The following HAPLN4 variants were observed in gnomAD, a reference collection of about 807,000 sequenced individuals.
The protein encoded by HAPLN4 is brain link protein 2.
Under a neutral mutation model 28.0 loss-of-function variants are expected in HAPLN4, and 19 were observed. That is an observed-to-expected ratio of 0.68 (90% confidence interval 0.47 to 1.00). The LOEUF (loss-of-function observed/expected upper bound fraction) is 1.00. HAPLN4 is among the 50% of genes least tolerant of loss of function. HAPLN4 has a pLI of 0.00. For missense variants in HAPLN4, 587 were observed against 602.6 expected (o/e 0.97, Z 0.27); for synonymous variants, 274 against 273.0 (o/e 1.00, Z -0.03).
rs920067087 is a variant in HAPLN4, at chr19:19,258,603, T to G, written c.737A>C (p.Asn246Thr). The G allele has an allele frequency of 5.0e-6, 8 of 1,613,416 alleles. No homozygotes were observed. Among genetic ancestry groups the G allele is most frequent in the Non-Finnish European group, 6.8e-6 (8 of 1,179,816 alleles). ...ATACCCGTAGTTGCGCAGGCCCCCGTTGGCATCACCGCCGCCCCCTGCACT... is the reference window on the plus strand; with the variant it reads ...ATACCCGTAGTTGCGCAGGCCCCCGGTGGCATCACCGCCGCCCCCTGCACT... ...TGSAGGGGDA[N>T]GGLRNYGYRH... The change falls in exon 4 of 5, where the codon AAC becomes ACC. Residue 246 changes from asparagine to threonine, a missense_variant. Transcript: ENST00000291481. The surrounding 1 kb of genome is among the most constrained non-coding windows in gnomAD (Gnocchi z 6.2).
At chr19:19,260,053 A>C (rs1239974428) in intron 3 of HAPLN4, among the ~76,000 whole-genome samples, 4 of 152,208 alleles carry the variant, frequency 2.6e-5, no homozygotes, top group Non-Finnish European at 5.9e-5. Context: ...CAGAAAGAGA[A>C]GCCTGTCGGA....
chr19:19,262,344 A>AGGGAGACAGAGAGGCAGAGG (rs2060986980), intron 1 of HAPLN4, among the ~76,000 whole-genome samples: 1 of 147,042 alleles, frequency 6.8e-6, no homozygotes, highest in East Asian at 2.1e-4. Flanking sequence ...AGAGAGGCAG[A>AGGGAGACAGAGAGGCAGAGG]GGGAGACAGA....
At chr19:19,260,325 T>G (rs1219893695) in intron 3 of HAPLN4, among the ~76,000 whole-genome samples, 1 of 152,208 alleles carries the variant, frequency 6.6e-6, no homozygotes, top group Non-Finnish European at 1.5e-5. Flanking sequence ...CAAGAGATTT[T>G]CCTGCCTCAG....
In HAPLN4 at chr19:19,257,778, C is replaced by A; in HGVS notation, c.*39G>T. 3 of 1,392,336 alleles carry A rather than the reference C, an allele frequency of 2.2e-6. No individual in the cohort carries two copies. In the South Asian group the frequency reaches 5.3e-5, roughly 25 times the overall value. The allele number at this position is 1,392,336 out of a possible 1,614,324, so 86.2% of individuals were successfully genotyped here. A position where few individuals can be genotyped will look rare whatever the true frequency, so the allele number is the denominator to read the frequency against. On this transcript the variant is annotated 3_prime_UTR_variant, in exon 5 of 5. Transcript: ENST00000291481. ...CTCCAGGGGACCACAGGGCTCTAGA[C>A]CAGTGGTCAAGCGCCCTGGCTGTCC...
chr19:19,257,660 T>G lies in HAPLN4; in HGVS notation c.*157A>C. The G allele has an allele frequency of 2.4e-6, 2 of 840,034 alleles. No homozygotes were observed. Among genetic ancestry groups the G allele is most frequent in the Non-Finnish European group, 3.2e-6 (2 of 617,408 alleles). 52.0% of individuals were successfully genotyped at this position (840,034 alleles called of 1,614,324 possible). ...CTCCAAAGTACTGTTCTGCCAGGACTAGCCAGTCTTCAGGGACCCCAGGGG... is the reference window on the plus strand; with the variant it reads ...CTCCAAAGTACTGTTCTGCCAGGACGAGCCAGTCTTCAGGGACCCCAGGGG... On this transcript the variant is annotated 3_prime_UTR_variant, in exon 5 of 5. Transcript: ENST00000291481.
At chr19:19,259,115 G>A (rs2060975949) in intron 3 of HAPLN4, among the ~76,000 whole-genome samples, 2 of 152,120 alleles carry the variant, frequency 1.3e-5, no homozygotes, top group African/African-American at 4.8e-5. Flanking sequence ...CTTTGCTCAT[G>A]CTCTTTCCAC....
chr19:19,262,009 G>A (rs893643715), intron 1 of HAPLN4, among the ~76,000 whole-genome samples: 1 of 151,844 alleles, frequency 6.6e-6, no homozygotes. Context: ...AGAGAACAGG[G>A]ACAGAGAGAA....
intron 3 of HAPLN4, among the ~76,000 whole-genome samples, chr19:19,260,211 T>G (rs1057297760): frequency 1.3e-5 from 2 of 152,092 alleles, no homozygotes; most frequent in Non-Finnish European, 2.9e-5. Context: ...TTTATTTTAT[T>G]TATGTATTTA....
chr19:19,258,299 G>A lies in HAPLN4; in HGVS notation c.818-91C>T. The A allele has an allele frequency of 7.5e-7, 1 of 1,336,272 alleles. No individual in the cohort carries two copies. The highest frequency in any genetic ancestry group is 9.9e-7 in the Non-Finnish European group (1 of 1,005,290). The allele number at this position is 1,336,272 out of a possible 1,614,324, so 82.8% of individuals were successfully genotyped here. On this transcript the variant is annotated intron_variant, in intron 4 of 4. Coordinates refer to ENST00000291481, the MANE Select transcript of HAPLN4 (RefSeq NM_023002.3). This position sits in a 1 kb window ranked among gnomAD's most constrained non-coding sequence, Gnocchi z 6.2. The stretch of plus-strand genomic sequence containing the variant: ...AGGACTGCCCCCCGCATGCAGCCTA[G>A]GACTCTGGCCTCGGCCCCGGGATCC...
chr19:19,261,732 T>A, intron 1 of HAPLN4, 169 bp from the exon 2 acceptor site: 1 of 530,704 alleles, frequency 1.9e-6, no homozygotes, highest in Non-Finnish European at 3.3e-6. Context: ...GGACCTCACA[T>A]CCTAGCTTCT....
At chr19:19,260,063 A>G (rs1177827411) in intron 3 of HAPLN4, among the ~76,000 whole-genome samples, 2 of 152,162 alleles carry the variant, frequency 1.3e-5, no homozygotes, top group African/African-American at 4.8e-5. Flanking sequence ...AGCCTGTCGG[A>G]AGAAAGCCTA....
rs1470011571 is a variant in HAPLN4 at position 19,258,741 on chromosome 19, G to A, written c.599C>T (p.Ala200Val). The change falls in exon 4 of 5, where the codon GCG becomes GTG. Residue 200 changes from alanine (A) to valine (V), a missense_variant. Coordinates refer to ENST00000291481, the MANE Select transcript of HAPLN4 (RefSeq NM_023002.3). This position sits in a 1 kb window ranked among gnomAD's most constrained non-coding sequence, Gnocchi z 6.2. ...GILASAEQLH[A>V]AWRDGLDWCN... is the part of the protein sequence containing the mutation. ...CCAGTCCAGGCCGTCGCGCCAGGCCGCGTGCAGCTGTTCTGCAGATGCCAG... is the reference window on the plus strand; with the variant it reads ...CCAGTCCAGGCCGTCGCGCCAGGCCACGTGCAGCTGTTCTGCAGATGCCAG... 2 of 1,602,762 alleles carry A rather than the reference G, an allele frequency of 1.2e-6. No homozygotes were observed. The highest frequency in any genetic ancestry group is 1.7e-5 in the Admixed American group (1 of 58,848).
chr19:19,258,850 C>A lies in HAPLN4; in HGVS notation c.490G>T (p.Val164Phe). 6.4e-7 allele frequency: 1 copy of A among 1,551,986 alleles called. No individual in the cohort carries two copies. Among genetic ancestry groups the A allele is most frequent in the Non-Finnish European group, 8.7e-7 (1 of 1,147,914 alleles). The change falls in exon 4 of 5, where the codon GTC becomes TTC. Residue 164 changes from valine to phenylalanine, a missense_variant. Physicochemically the swap from Val to Phe is conservative, Grantham distance 50 (BLOSUM62 -1). Coordinates refer to ENST00000291481, the MANE Select transcript of HAPLN4 (RefSeq NM_023002.3). The surrounding 1 kb of genome is among the most constrained non-coding windows in gnomAD (Gnocchi z 6.2). ...GMVKLDLEGV[V>F]FPYHPRGGRY... Reference sequence around the variant, plus strand: ...CCTCCACGGGGGTGGTAGGGAAAGACCACGCCTGGCGGGGGGCGCACGGGA... The same window carrying A: ...CCTCCACGGGGGTGGTAGGGAAAGAACACGCCTGGCGGGGGGCGCACGGGA...
chr19:19,262,669 A>T, intron 1 of HAPLN4, 61 bp downstream of exon 1: 1 of 1,574,722 alleles, frequency 6.4e-7, no homozygotes, highest in South Asian at 1.1e-5. Flanking sequence ...AGGCAGAGAG[A>T]TATAGAATCC....
rs1267921773 is a variant in HAPLN4, at chr19:19,258,103, G to A, written c.923C>T (p.Ala308Val). 1.9e-6 allele frequency: 3 copies of A among 1,550,760 alleles called. No homozygotes were observed. Among genetic ancestry groups the A allele is most frequent in the Admixed American group, 1.9e-5 (1 of 53,494 alleles). The change falls in exon 5 of 5, where the codon GCC becomes GTC. Residue 308 changes from alanine (A) to valine (V), a missense_variant. By Grantham distance (64) the Ala-to-Val change is moderately conservative (BLOSUM62 0). Coordinates refer to ENST00000291481, the MANE Select transcript of HAPLN4 (RefSeq NM_023002.3). This position sits in a 1 kb window ranked among gnomAD's most constrained non-coding sequence, Gnocchi z 6.2. ...GTCTAGCAGCTGCAGCTTCCACGCG[G>A]CGAACAGCTGCCCCACCTTGGCCAC... ...AAVAKVGQLF[A>V]AWKLQLLDRC...
At position 19,261,366 on chromosome 19, in the gene HAPLN4, C is replaced by T. The variant is rs1023338190; in HGVS notation, c.121+80G>A. 3 of 1,362,400 alleles carry T rather than the reference C, an allele frequency of 2.2e-6. No homozygotes were observed. In the African/African-American group the frequency reaches 4.3e-5, roughly 19 times the overall value. The allele number at this position is 1,362,400 out of a possible 1,614,324, so 84.4% of individuals were successfully genotyped here. ...CTGGGGGAACCGCGGACGTCAGGAA[C>T]GCCCTACCCGCTACCCCTCTCCGCA... On this transcript the variant is annotated intron_variant, in intron 2 of 4. Transcript: ENST00000291481.
rs1382903742 is a variant in HAPLN4 at position 19,258,596 on chromosome 19, GC to G, written c.743del (p.Gly248AlafsTer31). ...TATGGCGATACCCGTAGTTGCGCAG[GC>G]CCCCGTTGGCATCACCGCCGCCCCC... ...SAGGGGDANG[G>X]LRNYGYRHNA... On this transcript the variant is annotated frameshift_variant, in exon 4 of 5. Transcript: ENST00000291481. LOFTEE classifies it high-confidence loss of function. This position sits in a 1 kb window ranked among gnomAD's most constrained non-coding sequence, Gnocchi z 6.2. 1 of 1,613,560 alleles carries G rather than the reference GC, an allele frequency of 6.2e-7. No individual in the cohort carries two copies. The highest frequency in any genetic ancestry group is 8.5e-7 in the Non-Finnish European group (1 of 1,179,824).
At chr19:19,262,185 G>T (rs1300762062) in intron 1 of HAPLN4, among the ~76,000 whole-genome samples, 3 of 149,918 alleles carry the variant, frequency 2.0e-5, no homozygotes, top group Admixed American at 6.6e-5. Context: ...GAGACAGAGG[G>T]GCAGAGGAAG....
chr19:19,260,890 T>C lies in HAPLN4; in HGVS notation c.407A>G (p.Gln136Arg). The C allele has an allele frequency of 6.2e-7, 1 of 1,614,154 alleles. No homozygotes were observed. Among genetic ancestry groups the C allele is most frequent in the South Asian group, 1.1e-5 (1 of 91,088 alleles). ...TTCGCACTCATAGCGCCCGTAGTCT[T>C]GCAGCGTGACGTTGCGGAGGACCAG... ...ASLVLRNVTL[Q>R]DYGRYECEVT... The change falls in exon 3 of 5, where the codon CAA becomes CGA. Residue 136 changes from glutamine to arginine, a missense_variant. By Grantham distance (43) the Gln-to-Arg change is conservative (BLOSUM62 1). Coordinates refer to ENST00000291481, the MANE Select transcript of HAPLN4 (RefSeq NM_023002.3).
Sources: allele counts gnomAD v4.1 joint callset (sites outside exome capture counted in the v4.1 genomes callset), GRCh38; gene constraint gnomAD v4.1.1; non-coding constraint Gnocchi (gnomAD v3.1); transcripts MANE v1.5; gene names NCBI Gene and HGNC (gene_info 2026-07-23, HGNC 2026-07-21).